The following DLGAP2 variants were observed in gnomAD, a reference collection of about 807,000 sequenced individuals.
The protein encoded by DLGAP2 is DLG associated protein 2.
A neutral mutation model predicts 100.3 loss-of-function variants in DLGAP2; 26 were observed. The ratio of observed to expected loss-of-function variants is 0.26; its 90% CI spans 0.19 to 0.36. The LOEUF (loss-of-function observed/expected upper bound fraction) is 0.36. Among genes scored for constraint, DLGAP2 ranks in the 10% least tolerant of loss-of-function variants. The pLI is 1.00. For missense variants in DLGAP2, 1,858 were observed against 1,453.2 expected, an observed-to-expected ratio of 1.28 and a Z score of -4.53; for synonymous variants, 886 against 630.1, an observed-to-expected ratio of 1.41 and a Z score of -6.08.
At chr8:1,410,794 C>G (rs1028062643) in intron 3 of DLGAP2, among the ~76,000 whole-genome samples, 2 of 151,420 alleles carry the variant, frequency 1.3e-5, no homozygotes, top group African/African-American at 2.4e-5. Context: ...TTATGGCCAC[C>G]TTTCCCTGTG....
intron 1 of DLGAP2, among the ~76,000 whole-genome samples, chr8:804,233 A>T (rs1270049563): frequency 1.3e-5 from 2 of 152,158 alleles, no homozygotes; most frequent in Admixed American, 6.5e-5. Context: ...TTTTTCCTTG[A>T]AGTCTATTTT....
chr8:1,545,242 G>A (rs906905880), intron 4 of DLGAP2, among the ~76,000 whole-genome samples: 1 of 152,122 alleles, frequency 6.6e-6, no homozygotes, highest in Non-Finnish European at 1.5e-5. Context: ...GAATTCACCT[G>A]TGACACCATC....
rs79777961 is a variant in DLGAP2 at position 1,328,042 on chromosome 8, A to G, written c.106+69159A>G. ...GTGTTTCTGTAACAAGGGCCTTTTT[A>G]TAGTTGTTTTTTTTGGAGACAGAGT... On this transcript the variant is annotated intron_variant, in intron 3 of 14. Coordinates refer to ENST00000637795, the MANE Select transcript of DLGAP2 (RefSeq NM_001346810.2). Among the ~76,000 whole-genome samples, 216 of 151,586 alleles carry G rather than the reference A, an allele frequency of 1.4e-3. 2 individuals are homozygous for G. The highest frequency in any genetic ancestry group is 5.0e-3 in the African/African-American group (208 of 41,302).
chr8:973,338 C>T (rs536443094), intron 2 of DLGAP2, among the ~76,000 whole-genome samples: 13 of 151,078 alleles, frequency 8.6e-5, no homozygotes, highest in East Asian at 5.9e-4. Flanking sequence ...CGGGCGGAGA[C>T]GCTCCTCACT....
rs1563087142 is a variant in DLGAP2 at position 1,330,800 on chromosome 8, G to GGGGACCGAGTTCTGGGT, written c.106+71923_106+71939dup. Among the ~76,000 whole-genome samples, 5 of 135,930 alleles carry GGGGACCGAGTTCTGGGT rather than the reference G, an allele frequency of 3.7e-5. No homozygotes were observed. The South Asian group carries it at 9.8e-4, about 27-fold the overall frequency. 89.2% of individuals were successfully genotyped at this position (135,930 alleles called of 152,430 possible). On this transcript the variant is annotated intron_variant, in intron 3 of 14. Coordinates refer to ENST00000637795, the MANE Select transcript of DLGAP2 (RefSeq NM_001346810.2). ...GTTCTGGGTGGGAGCACTGCTTCAC[G>GGGGACCGAGTTCTGGGT]GGGACCGAGTTCTGGGTGGGACTGA...
At chr8:1,204,521 GAA>G (rs1282503940) in intron 2 of DLGAP2, among the ~76,000 whole-genome samples, 1 of 152,328 alleles carries the variant, frequency 6.6e-6, no homozygotes, top group East Asian at 1.9e-4. Context: ...CACACCTGGT[GAA>G]ACTGGACAAA....
intron 3 of DLGAP2, among the ~76,000 whole-genome samples, chr8:1,357,648 A>T (rs937084327): frequency 6.6e-6 from 1 of 152,168 alleles, no homozygotes; most frequent in Non-Finnish European, 1.5e-5. Context: ...AAGATTTTTT[A>T]AAATAAACCT....
At chr8:856,846 A>G (rs1417985652) in intron 1 of DLGAP2, among the ~76,000 whole-genome samples, 1 of 152,240 alleles carries the variant, frequency 6.6e-6, no homozygotes, top group Admixed American at 6.5e-5. Flanking sequence ...GGATCCCAGC[A>G]TGTTATTTTG....
intron 1 of DLGAP2, among the ~76,000 whole-genome samples, chr8:800,309 T>C (rs778723390): frequency 1.3e-5 from 2 of 152,226 alleles, no homozygotes; most frequent in African/African-American, 2.4e-5. Context: ...AGAGGGCAAA[T>C]GCTGGAGAGG....
chr8:797,756 A>G (rs1247255975), intron 1 of DLGAP2, among the ~76,000 whole-genome samples: 4 of 151,612 alleles, frequency 2.6e-5, no homozygotes, highest in Non-Finnish European at 5.9e-5. Flanking sequence ...ATTTTATTTT[A>G]TTTATTTTTT....
At chr8:1,089,005 C>T (rs543960880) in intron 2 of DLGAP2, among the ~76,000 whole-genome samples, 6 of 126,370 alleles carry the variant, frequency 4.7e-5, no homozygotes, top group South Asian at 5.7e-4. Flanking sequence ...TCTCGCTCCC[C>T]GGCCTCACTC....
intron 2 of DLGAP2, among the ~76,000 whole-genome samples, chr8:1,194,563 A>T (rs1192326822): frequency 6.6e-6 from 1 of 152,202 alleles, no homozygotes; most frequent in Admixed American, 6.5e-5. Context: ...AGAGTTCAGG[A>T]CCAGTCAGGA....
chr8:820,723 A>C (rs1013371774), intron 1 of DLGAP2, among the ~76,000 whole-genome samples: 5 of 152,204 alleles, frequency 3.3e-5, no homozygotes, highest in African/African-American at 1.2e-4. Flanking sequence ...TCTGTCTAGA[A>C]ACCTATCTGC....
chr8:1,183,293 A>C (rs954728777), intron 2 of DLGAP2, among the ~76,000 whole-genome samples: 3 of 152,208 alleles, frequency 2.0e-5, no homozygotes, highest in African/African-American at 7.2e-5. Flanking sequence ...ATCAGTTCAC[A>C]CAATAAATAA....
chr8:1,257,817 G>A (rs1329919972), intron 2 of DLGAP2, among the ~76,000 whole-genome samples: 4 of 152,194 alleles, frequency 2.6e-5, no homozygotes, highest in Non-Finnish European at 4.4e-5. Flanking sequence ...GATATCTGAC[G>A]CACATGCTCA....
chr8:1,328,522 G>GT (rs915499312), intron 3 of DLGAP2, among the ~76,000 whole-genome samples: 20 of 148,286 alleles, frequency 1.3e-4, no homozygotes, highest in East Asian at 4.1e-4. Flanking sequence ...TTGTTTTTTG[G>GT]TTTTTTTTAG....
intron 3 of DLGAP2, among the ~76,000 whole-genome samples, chr8:1,390,801 T>C (rs1284225254): frequency 6.6e-6 from 1 of 152,190 alleles, no homozygotes; most frequent in African/African-American, 2.4e-5. Flanking sequence ...TTCAAGTCTC[T>C]TATCCACAGA....
intron 3 of DLGAP2, among the ~76,000 whole-genome samples, chr8:1,445,553 C>T (rs1421224936): frequency 3.9e-5 from 6 of 152,136 alleles, no homozygotes; most frequent in East Asian, 3.9e-4. Flanking sequence ...TAAACACACG[C>T]GTGCACGTGT....
intron 1 of DLGAP2, among the ~76,000 whole-genome samples, chr8:763,861 T>C (rs1343509390): frequency 6.6e-6 from 1 of 152,256 alleles, no homozygotes; most frequent in Non-Finnish European, 1.5e-5. Context: ...TCTTGACTCA[T>C]AGCTGATGAT....
Sources: gnomAD v4.1 joint callset for allele counts (sites outside exome capture counted in the v4.1 genomes callset) on GRCh38, gnomAD v4.1.1 for gene constraint, MANE v1.5 for transcripts, NCBI Gene and HGNC (gene_info 2026-07-23, HGNC 2026-07-21) for gene names.